The following STK17A variants were observed in gnomAD, a reference collection of about 807,000 sequenced individuals.
STK17A encodes serine/threonine kinase 17a.
STK17A carries 26 observed loss-of-function variants against 43.7 expected under a neutral mutation model. The ratio of observed to expected loss-of-function variants is 0.60; its 90% CI spans 0.44 to 0.83. The LOEUF (loss-of-function observed/expected upper bound fraction) is 0.83. Among genes scored for constraint, STK17A ranks in the 40% least tolerant of loss-of-function variants. The probability of loss-of-function intolerance (pLI) is 0.00; values close to 1 mark genes in which losing one functional copy is unlikely to be tolerated. For missense variants in STK17A, 476 were observed against 511.6 expected (o/e 0.93, Z 0.67); for synonymous variants, 191 against 182.5 (o/e 1.05, Z -0.38).
intron 3 of STK17A, among the ~76,000 whole-genome samples, chr7:43,616,612 G>A (rs936532068): frequency 7.9e-5 from 12 of 152,174 alleles, no homozygotes; most frequent in African/African-American, 2.4e-4. Flanking sequence ...AAGAGGGACC[G>A]TCTGGCCGGG....
At chr7:43,586,020 G>A (rs371396421) in intron 1 of STK17A, among the ~76,000 whole-genome samples, 171 of 151,606 alleles carry the variant, frequency 1.1e-3, no homozygotes, top group African/African-American at 4.0e-3. Flanking sequence ...TTTTAACATA[G>A]CTAAGTGTGT....
At chr7:43,601,028 G>A (rs966337470) in intron 2 of STK17A, among the ~76,000 whole-genome samples, 121 of 152,284 alleles carry the variant, frequency 7.9e-4, no homozygotes, top group African/African-American at 2.7e-3. Context: ...GGTTAAATAA[G>A]TGATGTCACA....
At chr7:43,611,133 G>A (rs908534464) in intron 3 of STK17A, among the ~76,000 whole-genome samples, 1 of 152,114 alleles carries the variant, frequency 6.6e-6, no homozygotes, top group South Asian at 2.1e-4. Flanking sequence ...AAAAAAAGAG[G>A]ATACAGTGTG....
At chr7:43,583,526 C>T (rs1276688840) in intron 1 of STK17A, 77 bp downstream of exon 1, 1 of 1,164,464 alleles carries the variant, frequency 8.6e-7, no homozygotes, top group Non-Finnish European at 1.1e-6. Flanking sequence ...AGTGCCGGCG[C>T]CGCGGCGGCG....
intron 1 of STK17A, among the ~76,000 whole-genome samples, chr7:43,584,670 TG>T (rs1430906546): frequency 6.6e-6 from 1 of 150,724 alleles, no homozygotes; most frequent in Non-Finnish European, 1.5e-5. Flanking sequence ...TAGTTTTTTT[TG>T]GGGGGTGGGG....
intron 1 of STK17A, among the ~76,000 whole-genome samples, chr7:43,584,849 G>C (rs1397919208): frequency 6.6e-6 from 1 of 152,210 alleles, no homozygotes; most frequent in Non-Finnish European, 1.5e-5. Context: ...ACTTAGCTGT[G>C]TATTCTAATT....
chr7:43,602,027 G>A (rs1438912790), intron 2 of STK17A, among the ~76,000 whole-genome samples: 1 of 151,958 alleles, frequency 6.6e-6, no homozygotes, highest in African/African-American at 2.4e-5. Context: ...CACTCCCCAA[G>A]CATCCCTCCT....
In STK17A at chr7:43,583,297, A is replaced by G; in HGVS notation, c.54A>G (p.Ser18=). 6.5e-7 allele frequency: 1 copy of G among 1,535,562 alleles called. No homozygotes were observed. The highest frequency in any genetic ancestry group is 8.7e-7 in the Non-Finnish European group (1 of 1,144,344). Residue 18 remains serine, a synonymous_variant, in exon 1 of 7, where the codon TCA becomes TCG. Coordinates refer to ENST00000319357, the MANE Select transcript of STK17A (RefSeq NM_004760.3). The part of the protein sequence containing the change: ...GSGGSSPGAT[S]GSGRAGRGLS... ...GCGGCTCCTCCCCAGGCGCCACCTC[A>G]GGCTCGGGCCGGGCAGGCCGGGGTC...
At chr7:43,614,471 C>G (rs9639883) in intron 3 of STK17A, among the ~76,000 whole-genome samples, 26,669 of 152,174 alleles carry the variant, frequency 0.18, 2,713 homozygotes, top group Admixed American at 0.31. Context: ...GCTTTGTTTT[C>G]AGGACATGTA....
chr7:43,614,852 C>G (rs1305039730), intron 3 of STK17A, among the ~76,000 whole-genome samples: 1 of 152,116 alleles, frequency 6.6e-6, no homozygotes, highest in African/African-American at 2.4e-5. Context: ...TACCACCAAA[C>G]CAATTAGTTT....
chr7:43,605,679 C>T (rs1020303746), intron 2 of STK17A, among the ~76,000 whole-genome samples: 3 of 151,764 alleles, frequency 2.0e-5, no homozygotes, highest in African/African-American at 4.8e-5. Context: ...TGGGTTCCTC[C>T]CCTACCCTAT....
chr7:43,607,099 T>C (rs544394405), intron 2 of STK17A, among the ~76,000 whole-genome samples: 6 of 151,650 alleles, frequency 4.0e-5, no homozygotes, highest in Non-Finnish European at 1.5e-5. Flanking sequence ...AATTTTGTAT[T>C]TTTAGTAGAG....
intron 1 of STK17A, among the ~76,000 whole-genome samples, chr7:43,589,352 A>G (rs1258190227): frequency 6.6e-6 from 1 of 151,492 alleles, no homozygotes; most frequent in Non-Finnish European, 1.5e-5. Context: ...ATAAAGGTAT[A>G]AACAAAGCAC....
In STK17A at chr7:43,583,311, C is replaced by T. The variant is rs1189295199; in HGVS notation, c.68C>T (p.Ala23Val). The change falls in exon 1 of 7, where the codon GCA becomes GTA. Residue 23 changes from alanine (A) to valine (V), a missense_variant. Ala to Val is a moderately conservative substitution (Grantham distance 64). Around this residue, in one of 3 missense-constraint regions of STK17A, gnomAD observed 320 missense variants for 326.3 expected, o/e 0.98. Coordinates refer to ENST00000319357, the MANE Select transcript of STK17A (RefSeq NM_004760.3). The part of the protein sequence containing the change: ...SPGATSGSGR[A>V]GRGLSGPCRP... ...GGCGCCACCTCAGGCTCGGGCCGGG[C>T]AGGCCGGGGTCTGAGCGGGCCGTGC... 6.6e-7 allele frequency: 1 copy of T among 1,514,684 alleles called. No individual in the cohort carries two copies. Among genetic ancestry groups the T allele is most frequent in the South Asian group, 1.2e-5 (1 of 80,288 alleles). The allele number at this position is 1,514,684 out of a possible 1,614,324, so 93.8% of individuals were successfully genotyped here. A position where few individuals can be genotyped will look rare whatever the true frequency, so the allele number is the denominator to read the frequency against.
Position 43,583,344 on chromosome 7 carries a change from CG to C in STK17A, c.102del (p.Pro35ArgfsTer9). ...GGTCTGAGCGGGCCGTGCCGGCCGC[CG>C]CCGCCGCCCCAGGCCCGCGGGCTGC... ...GRGLSGPCRP[P>X]PPPQARGLLT... On this transcript the variant is annotated frameshift_variant, in exon 1 of 7. Coordinates refer to ENST00000319357, the MANE Select transcript of STK17A (RefSeq NM_004760.3). LOFTEE classifies it high-confidence loss of function. 1 of 1,435,386 alleles carries C rather than the reference CG, an allele frequency of 7.0e-7. No homozygotes were observed. The highest frequency in any genetic ancestry group is 9.1e-7 in the Non-Finnish European group (1 of 1,093,028). 88.9% of individuals were successfully genotyped at this position (1,435,386 alleles called of 1,614,324 possible).
intron 1 of STK17A, among the ~76,000 whole-genome samples, chr7:43,584,499 C>G (rs2152970033): frequency 6.6e-6 from 1 of 152,314 alleles, no homozygotes; most frequent in East Asian, 1.9e-4. Flanking sequence ...CGCATTATTG[C>G]CAGCATTTGT....
At chr7:43,602,007 A>T (rs1468923529) in intron 2 of STK17A, among the ~76,000 whole-genome samples, 1 of 152,134 alleles carries the variant, frequency 6.6e-6, no homozygotes, top group Non-Finnish European at 1.5e-5. Flanking sequence ...AATCAAGGCC[A>T]TCAGACACAC....
chr7:43,597,168 C>T (rs1309850180), intron 2 of STK17A, among the ~76,000 whole-genome samples: 1 of 152,076 alleles, frequency 6.6e-6, no homozygotes, highest in Non-Finnish European at 1.5e-5. Flanking sequence ...ACACATGAAC[C>T]TCCCAGTTTA....
At chr7:43,603,926 A>T (rs1193325294) in intron 2 of STK17A, among the ~76,000 whole-genome samples, 1 of 152,222 alleles carries the variant, frequency 6.6e-6, no homozygotes, top group East Asian at 1.9e-4. Flanking sequence ...CCCCCAATAT[A>T]GCTCATTATG....
Sources: allele counts gnomAD v4.1 joint callset (sites outside exome capture counted in the v4.1 genomes callset), GRCh38; gene constraint gnomAD v4.1.1; regional missense constraint gnomAD v4.1.1; transcripts MANE v1.5; gene names NCBI Gene and HGNC (gene_info 2026-07-23, HGNC 2026-07-21).